Variants in SLMAP observed in about 807,000 individuals in gnomAD.
The protein encoded by SLMAP is sarcolemma associated protein, also known as sarcolemmal membrane-associated protein.
A neutral mutation model predicts 128.8 loss-of-function variants in SLMAP; 44 were observed. The ratio of observed to expected loss-of-function variants is 0.34; its 90% CI spans 0.27 to 0.44. SLMAP has a LOEUF of 0.44. Among genes scored for constraint, SLMAP ranks in the 20% least tolerant of loss-of-function variants. SLMAP has a pLI of 1.00. For missense variants in SLMAP, 787 were observed against 985.3 expected, an observed-to-expected ratio of 0.80 and a Z score of 2.69; for synonymous variants, 327 against 348.8, an observed-to-expected ratio of 0.94 and a Z score of 0.70.
chr3:57,832,345 G>A (rs2093392318), intron 3 of SLMAP, among the ~76,000 whole-genome samples: 1 of 152,288 alleles, frequency 6.6e-6, no homozygotes, highest in East Asian at 1.9e-4. Flanking sequence ...GAGGTAGGCA[G>A]CTAATAGTAG....
intron 2 of SLMAP, among the ~76,000 whole-genome samples, chr3:57,779,917 T>C (rs9811191): frequency 0.63 from 95,770 of 151,760 alleles, 30,845 homozygotes; most frequent in East Asian, 0.98. Context: ...TTTCTCAAGC[T>C]GGCAGTTGGG....
rs771347126 is a variant in SLMAP at position 57,855,011 on chromosome 3, A to G, written c.520-2722A>G. ...CATACAGCATGTTATTGTACTGCAT[A>G]CTGAAGGCAGTTGTAACACAATAGT... On this transcript the variant is annotated intron_variant, in intron 6 of 24. Transcript: ENST00000671191. Among the ~76,000 whole-genome samples, 56 of 152,322 alleles carry G rather than the reference A, an allele frequency of 3.7e-4. 1 individual carries two copies. The highest frequency in any genetic ancestry group is 6.2e-4 in the South Asian group (3 of 4,828).
intron 14 of SLMAP, among the ~76,000 whole-genome samples, chr3:57,882,990 T>TAA (rs34538723): frequency 6.9e-6 from 1 of 145,006 alleles, no homozygotes; most frequent in Non-Finnish European, 1.5e-5. Context: ...ATTAAATTAT[T>TAA]AAAAAAAAAA....
At chr3:57,885,424 T>TG (rs1491326356) in intron 14 of SLMAP, among the ~76,000 whole-genome samples, 24 of 7,262 alleles carry the variant, frequency 3.3e-3, no homozygotes, top group Non-Finnish European at 0.02. Flanking sequence ...TGTTTTTGTG[T>TG]TTTTTTTTTT....
At chr3:57,863,059 T>A (rs922828608) in intron 10 of SLMAP, among the ~76,000 whole-genome samples, 1 of 152,166 alleles carries the variant, frequency 6.6e-6, no homozygotes. Context: ...TAAAACTGCT[T>A]ATCATTAGGC....
chr3:57,925,298 A>C (rs1311421046), intron 23 of SLMAP, among the ~76,000 whole-genome samples: 1 of 147,140 alleles, frequency 6.8e-6, no homozygotes, highest in Non-Finnish European at 1.5e-5. Context: ...TGTTAGGTAC[A>C]CCCACATTGC....
intron 17 of SLMAP, among the ~76,000 whole-genome samples, chr3:57,905,961 A>C (rs980315245): frequency 6.6e-6 from 1 of 151,564 alleles, no homozygotes; most frequent in Non-Finnish European, 1.5e-5. Context: ...CAAGGAAAAT[A>C]CCTACTCAAG....
chr3:57,885,316 C>T (rs1298480833), intron 14 of SLMAP, among the ~76,000 whole-genome samples: 5 of 151,474 alleles, frequency 3.3e-5, no homozygotes, highest in East Asian at 1.9e-4. Flanking sequence ...AGGTGATGCC[C>T]GCCTTGGCCT....
At chr3:57,763,004 G>A (rs1044583028) in intron 2 of SLMAP, among the ~76,000 whole-genome samples, 3 of 152,162 alleles carry the variant, frequency 2.0e-5, no homozygotes, top group African/African-American at 7.2e-5. Flanking sequence ...GATTACAAGT[G>A]TGAGCCACGG....
intron 2 of SLMAP, among the ~76,000 whole-genome samples, chr3:57,776,702 A>G (rs1197128577): frequency 3.3e-5 from 5 of 151,254 alleles, no homozygotes; most frequent in African/African-American, 1.2e-4. Flanking sequence ...AATTTTTTGT[A>G]TTTAGTAGAG....
At chr3:57,763,491 T>G (rs1237820333) in intron 2 of SLMAP, among the ~76,000 whole-genome samples, 1 of 152,058 alleles carries the variant, frequency 6.6e-6, no homozygotes, top group Non-Finnish European at 1.5e-5. Context: ...CACAAGCTGG[T>G]CTCGAACTCC....
chr3:57,855,695 A>G (rs2094734821), intron 6 of SLMAP, among the ~76,000 whole-genome samples: 1 of 148,186 alleles, frequency 6.7e-6, no homozygotes, highest in Non-Finnish European at 1.5e-5. Context: ...GAGCAACATA[A>G]GAACGCCCCA....
chr3:57,889,730 A>G (rs556427634), intron 14 of SLMAP, among the ~76,000 whole-genome samples: 1 of 152,124 alleles, frequency 6.6e-6, no homozygotes, highest in Non-Finnish European at 1.5e-5. Context: ...ATTTTAACTT[A>G]ATAGCCTTGA....
chr3:57,852,158 A>G (rs1220254502), intron 6 of SLMAP, among the ~76,000 whole-genome samples: 1 of 151,940 alleles, frequency 6.6e-6, no homozygotes, highest in Admixed American at 6.6e-5. Context: ...TTATCTGCCC[A>G]CCTTGGCCTC....
At chr3:57,817,657 G>A (rs975876600) in intron 2 of SLMAP, among the ~76,000 whole-genome samples, 2 of 152,092 alleles carry the variant, frequency 1.3e-5, no homozygotes, top group African/African-American at 4.8e-5. Context: ...GGCTCATGTG[G>A]GATGCTGCTT....
intron 2 of SLMAP, among the ~76,000 whole-genome samples, chr3:57,805,421 A>C (rs116171349): frequency 6.6e-6 from 1 of 152,212 alleles, no homozygotes; most frequent in Admixed American, 6.5e-5. Context: ...TTCATTCACT[A>C]TCCACCATTG....
chr3:57,869,660 A>ATATATATATATATATT (rs1553900183), intron 13 of SLMAP, among the ~76,000 whole-genome samples: 3 of 81,392 alleles, frequency 3.7e-5, no homozygotes, highest in African/African-American at 9.4e-5. Context: ...ATATATATAT[A>ATATATATATATATATT]ATATATATAA....
chr3:57,859,247 G>T (rs1288963304), intron 8 of SLMAP, among the ~76,000 whole-genome samples: 1 of 150,988 alleles, frequency 6.6e-6, no homozygotes, highest in Admixed American at 6.6e-5. Context: ...CTTAAACCCG[G>T]TGGGGGTGGA....
At chr3:57,851,192 C>T (rs1352543860) in intron 6 of SLMAP, among the ~76,000 whole-genome samples, 1 of 152,124 alleles carries the variant, frequency 6.6e-6, no homozygotes, top group Non-Finnish European at 1.5e-5. Flanking sequence ...GGATTTGAAC[C>T]TGGACAGCCA....
Sources: allele counts gnomAD v4.1 joint callset (sites outside exome capture counted in the v4.1 genomes callset), GRCh38; gene constraint gnomAD v4.1.1; transcripts MANE v1.5; gene names NCBI Gene and HGNC (gene_info 2026-07-23, HGNC 2026-07-21).